GPC6: variants seen among roughly 807,000 people sequenced by gnomAD.
GPC6 encodes the protein glypican 6, also known as glypican-6.
A neutral mutation model predicts 55.2 loss-of-function variants in GPC6; 14 were observed. That is an observed-to-expected ratio of 0.25 (90% CI 0.17 to 0.40). The LOEUF (loss-of-function observed/expected upper bound fraction) is 0.40, where lower values mean the gene tolerates loss of function less well. Among genes scored for constraint, GPC6 ranks in the 10% least tolerant of loss-of-function variants. The probability of loss-of-function intolerance (pLI) is 1.00; values close to 1 mark genes in which losing one functional copy is unlikely to be tolerated. For synonymous variants in GPC6, 278 were observed against 259.6 expected, an observed-to-expected ratio of 1.07 and a Z score of -0.68; for missense variants, 641 against 708.5, an observed-to-expected ratio of 0.90 and a Z score of 1.08.
intron 2 of GPC6, among the ~76,000 whole-genome samples, chr13:93,822,491 G>C (rs566410202): frequency 6.6e-6 from 1 of 152,080 alleles, no homozygotes; most frequent in Non-Finnish European, 1.5e-5. Context: ...TACATGTGCA[G>C]AATATGCACG....
intron 4 of GPC6, among the ~76,000 whole-genome samples, chr13:94,036,353 G>C (rs1409809239): frequency 6.6e-6 from 1 of 151,920 alleles, no homozygotes; most frequent in Non-Finnish European, 1.5e-5. Context: ...TAAATAATTT[G>C]CTACGCTAAG....
intron 2 of GPC6, among the ~76,000 whole-genome samples, chr13:93,799,496 C>G (rs139987059): frequency 6.6e-6 from 1 of 152,156 alleles, no homozygotes; most frequent in African/African-American, 2.4e-5. Context: ...TTGTCAGACA[C>G]TTAATCCTTT....
chr13:94,027,401 T>G (rs1248105923), intron 3 of GPC6, among the ~76,000 whole-genome samples: 1 of 152,188 alleles, frequency 6.6e-6, no homozygotes, highest in Non-Finnish European at 1.5e-5. Context: ...ACATTAAACT[T>G]TAATAATACC....
intron 6 of GPC6, among the ~76,000 whole-genome samples, chr13:94,366,052 A>C (rs561919733): frequency 2.0e-5 from 3 of 152,284 alleles, no homozygotes; most frequent in African/African-American, 7.2e-5. Flanking sequence ...ATGAAATTTC[A>C]ATATTTTCAG....
chr13:93,523,054 T>TA (rs1881483740), intron 1 of GPC6, among the ~76,000 whole-genome samples: 1 of 145,128 alleles, frequency 6.9e-6, no homozygotes, highest in Admixed American at 6.7e-5. Context: ...CACACACACA[T>TA]ATGTGTATAC....
At position 94,278,569 on chromosome 13, in the gene GPC6, G is replaced by A. The variant is rs1015400468; in HGVS notation, c.878-7780G>A. ...CCCATTCAATATGATATTGGCTATG[G>A]GTTTGTCATAAATAGCTCTTGTTAT... is the stretch of plus-strand genomic sequence containing the variant. On this transcript the variant is annotated intron_variant, in intron 4 of 8. Coordinates refer to ENST00000377047, the MANE Select transcript of GPC6 (RefSeq NM_005708.5). Among the ~76,000 whole-genome samples, 4 of 152,218 alleles carry A rather than the reference G, an allele frequency of 2.6e-5. 1 individual carries two copies. The highest frequency in any genetic ancestry group is 6.8e-3 in the Middle Eastern group (2 of 294).
At chr13:93,260,319 A>C (rs1051388604) in intron 1 of GPC6, among the ~76,000 whole-genome samples, 2 of 152,112 alleles carry the variant, frequency 1.3e-5, no homozygotes, top group African/African-American at 4.8e-5. Context: ...ACGTAAAAAT[A>C]ATTTTATTAA....
chr13:93,952,114 C>T (rs1008613205), intron 3 of GPC6, among the ~76,000 whole-genome samples: 15 of 152,174 alleles, frequency 9.9e-5, no homozygotes, highest in Non-Finnish European at 5.9e-5. Context: ...GCAGTGTGTT[C>T]TGTGTTCATA....
intron 4 of GPC6, among the ~76,000 whole-genome samples, chr13:94,195,159 C>A (rs948822506): frequency 6.6e-6 from 1 of 152,192 alleles, no homozygotes; most frequent in African/African-American, 2.4e-5. Context: ...TGTCCAGTTA[C>A]AAGCACCTGA....
chr13:93,400,517 T>C (rs1876032965), intron 1 of GPC6, among the ~76,000 whole-genome samples: 1 of 151,970 alleles, frequency 6.6e-6, no homozygotes, highest in Admixed American at 6.6e-5. Flanking sequence ...ATAAAAAGAA[T>C]GAATTATACC....
intron 3 of GPC6, among the ~76,000 whole-genome samples, chr13:94,016,063 G>A (rs2138705373): frequency 6.6e-6 from 1 of 152,114 alleles, no homozygotes; most frequent in East Asian, 1.9e-4. Flanking sequence ...CTATCCCCAG[G>A]TAACTGTCAT....
intron 2 of GPC6, among the ~76,000 whole-genome samples, chr13:93,785,384 A>G (rs918876107): frequency 2.6e-5 from 4 of 152,166 alleles, no homozygotes; most frequent in African/African-American, 9.7e-5. Flanking sequence ...GGTTATGTGT[A>G]ATTATCATCT....
intron 4 of GPC6, among the ~76,000 whole-genome samples, chr13:94,133,948 A>G (rs1887095099): frequency 6.6e-6 from 1 of 152,142 alleles, no homozygotes; most frequent in Non-Finnish European, 1.5e-5. Context: ...TTTTTCAGAG[A>G]GCCACACTAA....
At chr13:94,274,982 T>C (rs1160733251) in intron 4 of GPC6, among the ~76,000 whole-genome samples, 4 of 152,212 alleles carry the variant, frequency 2.6e-5, no homozygotes, top group Non-Finnish European at 5.9e-5. Context: ...GCATTTGTGA[T>C]GGTGTTCATG....
At chr13:94,071,287 C>T (rs564774475) in intron 4 of GPC6, among the ~76,000 whole-genome samples, 1 of 152,130 alleles carries the variant, frequency 6.6e-6, no homozygotes, top group Admixed American at 6.5e-5. Flanking sequence ...GAAAATTATA[C>T]ATTTATAACT....
At chr13:94,056,609 G>A (rs538501329) in intron 4 of GPC6, among the ~76,000 whole-genome samples, 24 of 152,264 alleles carry the variant, frequency 1.6e-4, no homozygotes, top group South Asian at 1.2e-3. Flanking sequence ...GAAGATGAGC[G>A]TCAGATTTTA....
chr13:93,317,594 G>A (rs2139117992), intron 1 of GPC6, among the ~76,000 whole-genome samples: 2 of 152,162 alleles, frequency 1.3e-5, no homozygotes, highest in East Asian at 3.9e-4. Context: ...TTGGATTACT[G>A]AAAGCTTTTA....
intron 6 of GPC6, among the ~76,000 whole-genome samples, chr13:94,324,689 A>C (rs948823957): frequency 3.7e-5 from 5 of 136,958 alleles, no homozygotes; most frequent in African/African-American, 1.5e-4. Flanking sequence ...GAACCAGAAC[A>C]AGACCTGGGT....
At chr13:93,732,150 C>T (rs906316023) in intron 2 of GPC6, among the ~76,000 whole-genome samples, 9 of 152,126 alleles carry the variant, frequency 5.9e-5, no homozygotes, top group African/African-American at 2.2e-4. Context: ...ATCACATCTC[C>T]CTTGTCCTAT....
Sources: allele counts gnomAD v4.1 joint callset (sites outside exome capture counted in the v4.1 genomes callset), GRCh38; gene constraint gnomAD v4.1.1; transcripts MANE v1.5; gene names NCBI Gene and HGNC (gene_info 2026-07-23, HGNC 2026-07-21).